The following GGNBP2 variants were observed in gnomAD, a reference collection of about 807,000 sequenced individuals.
GGNBP2 encodes gametogenetin binding protein 2.
Under a neutral mutation model 85.9 loss-of-function variants are expected in GGNBP2, and 10 were observed. The observed-to-expected ratio is 0.12, with a 90% CI of 0.07 to 0.20. GGNBP2 has a LOEUF of 0.20. Ranked by LOEUF, GGNBP2 falls within the 10% of genes least tolerant of loss-of-function variation. GGNBP2 has a pLI of 1.00. For synonymous variants in GGNBP2, 287 were observed against 285.7 expected (o/e 1.00, Z -0.05); for missense variants, 595 against 857.8 (o/e 0.69, Z 3.83).
chr17:36,546,759 A>G (rs2074259090), intron 2 of GGNBP2: 3 of 152,226 alleles, frequency 2.0e-5, no homozygotes, highest in Admixed American at 2.0e-4. Context: ...GCTTATTTCG[A>G]TAAGGTGCAC....
chr17:36,579,373 A>G lies in GGNBP2; in HGVS notation c.974A>G (p.Gln325Arg). ...CTACGGGCAGAAGAGCAGACATGGC[A>G]GATGCTTTTCTATCTTGGTGTTGAT... ...QKLRAEEQTW[Q>R]MLFYLGVDAL... The change falls in exon 8 of 14, where the codon CAG becomes CGG. Residue 325 changes from glutamine (Q) to arginine (R), a missense_variant. By Grantham distance (43) the Gln-to-Arg change is conservative. This residue lies in a region of GGNBP2 where 92 missense variants were observed against 183.9 expected (regional missense o/e 0.50). Coordinates refer to ENST00000613102, the MANE Select transcript of GGNBP2 (RefSeq NM_024835.5). 6.2e-7 allele frequency: 1 copy of G among 1,614,218 alleles called. No individual in the cohort carries two copies. Among genetic ancestry groups the G allele is most frequent in the Non-Finnish European group, 8.5e-7 (1 of 1,180,024 alleles).
At chr17:36,555,422 G>A (rs1193099663) in intron 3 of GGNBP2, among the ~76,000 whole-genome samples, 3 of 152,198 alleles carry the variant, frequency 2.0e-5, no homozygotes, top group African/African-American at 4.8e-5. Flanking sequence ...GGCTAGGCAT[G>A]GTGGCTCATG....
intron 5 of GGNBP2, among the ~76,000 whole-genome samples, chr17:36,566,998 C>G (rs1258678330): frequency 6.6e-5 from 10 of 151,246 alleles, no homozygotes; most frequent in African/African-American, 2.4e-4. Context: ...GAGACCTTGT[C>G]TCTACAAAAT....
chr17:36,545,974 A>AGTG, intron 2 of GGNBP2, 157 bp downstream of exon 2: 1 of 579,094 alleles, frequency 1.7e-6, no homozygotes, highest in Non-Finnish European at 3.1e-6. Flanking sequence ...TCGCCTTTGC[A>AGTG]GTGGGTGGCT....
At chr17:36,581,867 A>G (rs2074654306) in intron 9 of GGNBP2, 2 of 168,818 alleles carry the variant, frequency 1.2e-5, no homozygotes, top group South Asian at 4.0e-4. Context: ...CATATAGTCT[A>G]TGCACATCCT....
At chr17:36,574,696 C>T in intron 6 of GGNBP2, 1 of 634,880 alleles carries the variant, frequency 1.6e-6, no homozygotes, top group Admixed American at 2.5e-5. Context: ...TACCAGCCAT[C>T]ATAAGCAGCT....
chr17:36,581,619 C>T, intron 9 of GGNBP2, 81 bp downstream of exon 9: 1 of 1,066,218 alleles, frequency 9.4e-7, no homozygotes, highest in Non-Finnish European at 1.3e-6. Flanking sequence ...GTGGCTCACG[C>T]CTGTGATCCC....
Position 36,567,679 on chromosome 17 carries a change from G to A in GGNBP2, c.544G>A (p.Val182Ile), listed in dbSNP as rs562805174. 4.0e-5 allele frequency: 63 copies of A among 1,588,006 alleles called. No individual in the cohort carries two copies. Among genetic ancestry groups the A allele is most frequent in the South Asian group, 1.8e-4 (16 of 90,168 alleles). Residue 182 changes from valine to isoleucine, a missense_variant, in exon 6 of 14, where the codon GTA becomes ATA. By Grantham distance (29) the Val-to-Ile change is conservative. This residue lies in a region of GGNBP2 where 216 missense variants were observed against 293.4 expected (regional missense o/e 0.74). Coordinates refer to ENST00000613102, the MANE Select transcript of GGNBP2 (RefSeq NM_024835.5). ...TTTCTACAGAGGTTGTTGGATGGAT[G>A]TATGGGAACTAATGTCGCAGGAATG... is the stretch of plus-strand genomic sequence containing the variant. The part of the protein sequence containing the change: ...PKPLGGCWMD[V>I]WELMSQECRD...
chr17:36,545,975 G>A (rs1472802739), intron 2 of GGNBP2, 158 bp downstream of exon 2: 5 of 578,908 alleles, frequency 8.6e-6, no homozygotes, highest in Non-Finnish European at 1.6e-5. Flanking sequence ...CGCCTTTGCA[G>A]TGGGTGGCTC....
chr17:36,550,331 TTC>T (rs1491145179), intron 2 of GGNBP2, among the ~76,000 whole-genome samples: 5 of 152,202 alleles, frequency 3.3e-5, no homozygotes, highest in African/African-American at 9.6e-5. Flanking sequence ...TGTTTTTTTT[TTC>T]TTTTTGTTCT....
At chr17:36,587,283 T>G (rs769265405) in intron 13 of GGNBP2, 38 bp downstream of exon 13, 1 of 1,606,112 alleles carries the variant, frequency 6.2e-7, no homozygotes, top group Middle Eastern at 1.7e-4. Context: ...CATAACTGTT[T>G]GGGAACGGGG....
At chr17:36,583,894 A>T (rs1046396029) in intron 9 of GGNBP2, among the ~76,000 whole-genome samples, 1 of 152,262 alleles carries the variant, frequency 6.6e-6, no homozygotes, top group African/African-American at 2.4e-5. Flanking sequence ...ACCTTTTTGT[A>T]CTCTGTTAAA....
intron 6 of GGNBP2, chr17:36,574,652 G>A (rs1048802314): frequency 6.7e-6 from 4 of 597,660 alleles, no homozygotes; most frequent in East Asian, 2.9e-5. Context: ...CAGGGCGGCA[G>A]TGTAGCCCCT....
At chr17:36,583,041 T>TAA in intron 9 of GGNBP2, among the ~76,000 whole-genome samples, 1 of 152,312 alleles carries the variant, frequency 6.6e-6, no homozygotes, top group East Asian at 1.9e-4. Flanking sequence ...ATGTTCATCT[T>TAA]AAAAGGAATA....
At chr17:36,559,636 TTTTAAA>T (rs1313911653) in intron 4 of GGNBP2, among the ~76,000 whole-genome samples, 1 of 152,128 alleles carries the variant, frequency 6.6e-6, no homozygotes, top group Non-Finnish European at 1.5e-5. Flanking sequence ...CTGATTCATA[TTTTAAA>T]AGGATCACTG....
At chr17:36,553,406 C>T (rs948476847) in intron 2 of GGNBP2, among the ~76,000 whole-genome samples, 2 of 152,124 alleles carry the variant, frequency 1.3e-5, no homozygotes, top group African/African-American at 4.8e-5. Context: ...TTACGTTTGA[C>T]TTAGCTGTTA....
chr17:36,569,617 G>A (rs1380337065), intron 6 of GGNBP2, among the ~76,000 whole-genome samples: 2 of 152,088 alleles, frequency 1.3e-5, no homozygotes, highest in Admixed American at 6.6e-5. Context: ...TAATGACTTC[G>A]CCCGCATACC....
intron 2 of GGNBP2, among the ~76,000 whole-genome samples, chr17:36,548,009 A>C (rs1309560609): frequency 6.6e-6 from 1 of 152,214 alleles, no homozygotes; most frequent in East Asian, 1.9e-4. Context: ...AGAGGGAAGG[A>C]AGATGCCCCT....
intron 13 of GGNBP2, 109 bp from the exon 14 acceptor site, chr17:36,589,099 C>A: frequency 1.4e-6 from 1 of 726,172 alleles, no homozygotes; most frequent in Non-Finnish European, 2.4e-6. Context: ...CTTTATGTGA[C>A]TGATGTGAAA....
Sources: gnomAD v4.1 joint callset for allele counts (sites outside exome capture counted in the v4.1 genomes callset) on GRCh38, gnomAD v4.1.1 for gene constraint, gnomAD v4.1.1 regional missense constraint, MANE v1.5 for transcripts, NCBI Gene and HGNC (gene_info 2026-07-23, HGNC 2026-07-21) for gene names.